Variants in PTK2B observed in about 807,000 individuals in gnomAD.
PTK2B encodes the protein protein tyrosine kinase 2 beta, also known as protein-tyrosine kinase 2-beta.
Under a neutral mutation model 142.9 loss-of-function variants are expected in PTK2B, and 71 were observed. The ratio of observed to expected loss-of-function variants is 0.50; its 90% confidence interval spans 0.41 to 0.61. PTK2B has a LOEUF of 0.61. Among genes scored for constraint, PTK2B ranks in the 20% least tolerant of loss-of-function variants. The pLI, the probability that PTK2B is intolerant of heterozygous loss-of-function variation, is 0.00. For synonymous variants in PTK2B, 519 were observed against 503.4 expected, an observed-to-expected ratio of 1.03 and a Z score of -0.42; for missense variants, 1,105 against 1,320.4, an observed-to-expected ratio of 0.84 and a Z score of 2.53.
chr8:27,347,214 TA>T (rs3050365), intron 1 of PTK2B, among the ~76,000 whole-genome samples: 40 of 141,894 alleles, frequency 2.8e-4, no homozygotes, highest in East Asian at 8.4e-4. Context: ...CCATCTCTAC[TA>T]AAAAAAAAAA....
At chr8:27,311,479 C>T (rs1040738861), upstream of PTK2B, 1 of 561,930 alleles carries the variant, frequency 1.8e-6, no homozygotes, top group Admixed American at 3.7e-5. Context: ...GGGCCTTCTG[C>T]CCGCAGTTCC....
chr8:27,377,020 G>A (rs911074637), intron 1 of PTK2B, among the ~76,000 whole-genome samples: 8 of 152,094 alleles, frequency 5.3e-5, no homozygotes, highest in African/African-American at 1.9e-4. Context: ...TCACTCCTGC[G>A]TTTAGAACCA....
At chr8:27,352,011 G>A (rs1271234819) in intron 1 of PTK2B, among the ~76,000 whole-genome samples, 1 of 152,206 alleles carries the variant, frequency 6.6e-6, no homozygotes, top group African/African-American at 2.4e-5. Context: ...TCAGGCTGCT[G>A]TTTGGGCTTC....
chr8:27,371,708 C>G lies in PTK2B; in HGVS notation c.-37-25840C>G, dbSNP rs2130934544. 2.0e-5 allele frequency among the ~76,000 whole-genome samples: 3 copies of G among 152,184 alleles called. 1 individual carries two copies. In the South Asian group the frequency reaches 6.2e-4, roughly 32 times the overall value. ...TATTACAGGCATGCACCACCATGCC[C>G]TGCTAATTTTTGTATTTTTAGTAGA... On this transcript the variant is annotated intron_variant, in intron 1 of 30. Transcript: ENST00000346049.
intron 5 of PTK2B, among the ~76,000 whole-genome samples, chr8:27,424,419 C>G (rs1217193473): frequency 6.6e-6 from 1 of 152,116 alleles, no homozygotes; most frequent in Non-Finnish European, 1.5e-5. Flanking sequence ...CTGCTATAAC[C>G]AATGCAGGAT....
At chr8:27,430,690 A>C (rs181453983) in intron 7 of PTK2B, among the ~76,000 whole-genome samples, 186 bp from the exon 8 acceptor site, 1 of 152,222 alleles carries the variant, frequency 6.6e-6, no homozygotes, top group African/African-American at 2.4e-5. Flanking sequence ...CCTCCTTCGT[A>C]GGGTTACGGG....
rs531332339 is a variant in PTK2B, at chr8:27,415,472, A to C, written c.205-4423A>C. Among the ~76,000 whole-genome samples the C allele has an allele frequency of 6.6e-4, 100 of 152,386 alleles. 1 individual carries two copies. Among genetic ancestry groups the C allele is most frequent in the African/African-American group, 2.3e-3 (96 of 41,596 alleles). On this transcript the variant is annotated intron_variant, in intron 2 of 30. Transcript: ENST00000346049. ...CTAGACTAATCTTTCTCCAGATAACAATGATAAAATCTGGACAAAATATAA... is the reference window on the plus strand; with the variant it reads ...CTAGACTAATCTTTCTCCAGATAACCATGATAAAATCTGGACAAAATATAA...
At chr8:27,421,952 G>C (rs570168556) in intron 4 of PTK2B, among the ~76,000 whole-genome samples, 1 of 152,320 alleles carries the variant, frequency 6.6e-6, no homozygotes, top group Admixed American at 6.5e-5. Flanking sequence ...GCCTGTGAAT[G>C]ACATTTATCA....
chr8:27,339,386 C>T (rs1563201087), intron 1 of PTK2B, among the ~76,000 whole-genome samples: 1 of 152,194 alleles, frequency 6.6e-6, no homozygotes, highest in Non-Finnish European at 1.5e-5. Flanking sequence ...CAGTCTGATC[C>T]ATCTCAGAGG....
rs1231787239 is a variant in PTK2B, at chr8:27,434,507, C to A, written c.1146-6C>A. The stretch of plus-strand genomic sequence containing the variant: ...CACCTGGCTTCTGCTCTCTCACCTC[C>A]TACAGAAACCTGGAGGCCCGGCGGT... On this transcript the variant is annotated splice_region_variant and splice_polypyrimidine_tract_variant and intron_variant, in intron 12 of 30. Transcript: ENST00000346049. 3 of 1,609,438 alleles carry A rather than the reference C, an allele frequency of 1.9e-6. No homozygotes were observed. The highest frequency in any genetic ancestry group is 2.2e-5 in the East Asian group (1 of 44,742).
chr8:27,330,163 A>T (rs999848832), intron 1 of PTK2B, among the ~76,000 whole-genome samples: 14 of 152,190 alleles, frequency 9.2e-5, no homozygotes, highest in Non-Finnish European at 1.6e-4. Flanking sequence ...GCTTAATAAT[A>T]GCATCTTATG....
intron 1 of PTK2B, among the ~76,000 whole-genome samples, chr8:27,395,356 TTA>T (rs1239534999): frequency 6.6e-6 from 1 of 152,240 alleles, no homozygotes; most frequent in Non-Finnish European, 1.5e-5. Context: ...GACCACCATC[TTA>T]TATGCGGTCC....
chr8:27,375,766 A>G (rs548756726), intron 1 of PTK2B, among the ~76,000 whole-genome samples: 2 of 152,176 alleles, frequency 1.3e-5, no homozygotes, highest in Non-Finnish European at 2.9e-5. Context: ...CCCCAGCTAT[A>G]TAGAAGCGTG....
At chr8:27,336,764 G>A (rs995903004) in intron 1 of PTK2B, among the ~76,000 whole-genome samples, 5 of 152,278 alleles carry the variant, frequency 3.3e-5, no homozygotes, top group South Asian at 2.1e-4. Flanking sequence ...TTCATGTTCT[G>A]TGGGCATCAT....
intron 7 of PTK2B, 70 bp from the exon 8 acceptor site, chr8:27,430,806 G>A (rs1442836516): frequency 5.8e-6 from 9 of 1,561,656 alleles, no homozygotes; most frequent in Middle Eastern, 1.7e-4. Flanking sequence ...GTCTCTCAGC[G>A]AGACCCTAAG....
intron 1 of PTK2B, among the ~76,000 whole-genome samples, chr8:27,351,038 T>TAC (rs1805060293): frequency 2.0e-5 from 2 of 98,436 alleles, no homozygotes; most frequent in African/African-American, 4.5e-5. Context: ...TATATATATA[T>TAC]ATACGTGCTT....
rs73570193 is a variant in PTK2B at position 27,427,787 on chromosome 8, G to C, written c.552-2306G>C. Among the ~76,000 whole-genome samples the C allele has an allele frequency of 8.4e-3, 1,279 of 152,222 alleles. 16 individuals are homozygous for C. Among genetic ancestry groups the C allele is most frequent in the African/African-American group, 0.03 (1,240 of 41,536 alleles). Reference sequence around the variant, plus strand: ...CACTCTTCAGGTGGGAGGAGGAAGAGGAGGAGGAGCTTCCATCCAGGGGAG... The same window carrying C: ...CACTCTTCAGGTGGGAGGAGGAAGACGAGGAGGAGCTTCCATCCAGGGGAG... On this transcript the variant is annotated intron_variant, in intron 5 of 30. Coordinates refer to ENST00000346049, the MANE Select transcript of PTK2B (RefSeq NM_173176.3).
At position 27,419,984 on chromosome 8, in the gene PTK2B, G is replaced by A; in HGVS notation, c.294G>A (p.Lys98=). ...ECYGLRLKHM[K]SDEIHWLHPQ... Reference sequence around the variant, plus strand: ...ATGGGCTGAGGCTGAAGCACATGAAGTCCGATGAGATCCACTGGCTGCACC... The same window carrying A: ...ATGGGCTGAGGCTGAAGCACATGAAATCCGATGAGATCCACTGGCTGCACC... Residue 98 remains lysine, a synonymous_variant, in exon 3 of 31, where the codon AAG becomes AAA. Coordinates refer to ENST00000346049, the MANE Select transcript of PTK2B (RefSeq NM_173176.3). 1.2e-6 allele frequency: 2 copies of A among 1,614,214 alleles called. No individual in the cohort carries two copies. Among genetic ancestry groups the A allele is most frequent in the South Asian group, 2.2e-5 (2 of 91,078 alleles).
chr8:27,420,153 A>G (rs1809656289), intron 3 of PTK2B, 80 bp downstream of exon 3: 1 of 1,521,532 alleles, frequency 6.6e-7, no homozygotes, highest in Non-Finnish European at 9.0e-7. Context: ...TCTCCCTTAG[A>G]GCACTCCCCT....
Sources: gnomAD v4.1 joint callset for allele counts (sites outside exome capture counted in the v4.1 genomes callset) on GRCh38, gnomAD v4.1.1 for gene constraint, MANE v1.5 for transcripts, NCBI Gene and HGNC (gene_info 2026-07-23, HGNC 2026-07-21) for gene names.